Variants in SYT14 observed in about 807,000 individuals in gnomAD.
The protein encoded by SYT14 is synaptotagmin-14.
SYT14 carries 32 observed loss-of-function variants against 74.2 expected under a neutral mutation model. That is an observed-to-expected ratio of 0.43 (90% CI 0.33 to 0.58). SYT14 has a LOEUF of 0.58. Among genes scored for constraint, SYT14 ranks in the 20% least tolerant of loss-of-function variants. The probability of loss-of-function intolerance (pLI) is 0.05; values close to 1 mark genes in which losing one functional copy is unlikely to be tolerated. For synonymous variants in SYT14, 298 were observed against 337.7 expected (o/e 0.88, Z 1.29); for missense variants, 791 against 981.8 (o/e 0.81, Z 2.60).
intron 1 of SYT14, among the ~76,000 whole-genome samples, chr1:209,951,510 C>T (rs11119374): frequency 0.46 from 69,333 of 151,872 alleles, 17,107 homozygotes; most frequent in Non-Finnish European, 0.56. Context: ...ATATATTTAC[C>T]ACATTTTCTT....
intron 2 of SYT14, among the ~76,000 whole-genome samples, chr1:210,006,180 T>C (rs2079984873): frequency 6.6e-6 from 1 of 151,996 alleles, no homozygotes; most frequent in South Asian, 2.1e-4. Context: ...AAATGCTCTT[T>C]GTAATGATTG....
At chr1:210,014,782 T>C (rs564494194) in intron 3 of SYT14, among the ~76,000 whole-genome samples, 5 of 152,234 alleles carry the variant, frequency 3.3e-5, no homozygotes, top group African/African-American at 1.2e-4. Flanking sequence ...TTTGATCATT[T>C]GTGCAGAAAG....
At position 209,979,793 on chromosome 1, in the gene SYT14, T is replaced by C. The variant is rs553597149; in HGVS notation, c.-486+27037T>C. On this transcript the variant is annotated intron_variant, in intron 2 of 9. Transcript: ENST00000637265. ...TACAAAGGACATGATCTTTTTTCTT[T>C]TTATGGCTGCATGGTATTCCGTGGT... is the stretch of plus-strand genomic sequence containing the variant. Among the ~76,000 whole-genome samples, 196 of 152,334 alleles carry C rather than the reference T, an allele frequency of 1.3e-3. 2 individuals are homozygous for C. The South Asian group carries it at 0.022, about 17-fold the overall frequency.
intron 1 of SYT14, among the ~76,000 whole-genome samples, chr1:209,942,185 A>T (rs2078741487): frequency 6.6e-6 from 1 of 152,172 alleles, no homozygotes; most frequent in South Asian, 2.1e-4. Flanking sequence ...ATCATAAATT[A>T]TGCCATTGTC....
rs1183885685 is a variant in SYT14, at chr1:209,981,450, C to CTTTTTTTTTTTT, written c.-486+28702_-486+28713dup. ...TTCTTTTTCTTTTTCTTTTTCTTTT[C>CTTTTTTTTTTTT]TTTTTTTTTTTTTTTTTTTGAGGCA... On this transcript the variant is annotated intron_variant, in intron 2 of 9. Transcript: ENST00000637265. Among the ~76,000 whole-genome samples, 685 of 99,004 alleles carry CTTTTTTTTTTTT rather than the reference C, an allele frequency of 6.9e-3. 1 individual carries two copies. Among genetic ancestry groups the CTTTTTTTTTTTT allele is most frequent in the Non-Finnish European group, 9.3e-3 (491 of 52,770 alleles). The allele number at this position is 99,004 out of a possible 152,430, so 65.0% of individuals were successfully genotyped here.
At chr1:209,988,029 C>A (rs2079600947) in intron 2 of SYT14, among the ~76,000 whole-genome samples, 1 of 152,084 alleles carries the variant, frequency 6.6e-6, no homozygotes, top group Non-Finnish European at 1.5e-5. Flanking sequence ...ACCATCACTT[C>A]TTCAAATGTT....
At chr1:209,967,862 CTCT>C (rs1244035218) in intron 2 of SYT14, among the ~76,000 whole-genome samples, 7 of 151,966 alleles carry the variant, frequency 4.6e-5, no homozygotes, top group African/African-American at 1.7e-4. Flanking sequence ...GTTTTATTAG[CTCT>C]TCTTTTTCTG....
intron 5 of SYT14, among the ~76,000 whole-genome samples, chr1:210,024,413 T>C (rs1344253841): frequency 6.6e-6 from 1 of 152,178 alleles, no homozygotes; most frequent in Non-Finnish European, 1.5e-5. Context: ...AGGAACTGAA[T>C]GTGTTTGGAA....
chr1:210,124,286 A>G (rs1037742783), intron 7 of SYT14, among the ~76,000 whole-genome samples: 3 of 152,104 alleles, frequency 2.0e-5, no homozygotes, highest in Admixed American at 1.3e-4. Flanking sequence ...ATATAAAAGG[A>G]AAATAGAGTG....
At chr1:210,084,452 CAT>C (rs751827820) in intron 5 of SYT14, among the ~76,000 whole-genome samples, 59 of 152,292 alleles carry the variant, frequency 3.9e-4, no homozygotes, top group African/African-American at 1.1e-3. Context: ...GATTCTGTCT[CAT>C]GTGTGTATCT....
At chr1:210,031,160 A>G (rs1423317661) in intron 5 of SYT14, among the ~76,000 whole-genome samples, 2 of 149,506 alleles carry the variant, frequency 1.3e-5, no homozygotes, top group African/African-American at 2.5e-5. Context: ...GCAGTTTTCA[A>G]TATAGCTTGC....
chr1:210,146,388 A>AGTCT (rs2083035543), intron 7 of SYT14, among the ~76,000 whole-genome samples: 1 of 152,206 alleles, frequency 6.6e-6, no homozygotes, highest in Non-Finnish European at 1.5e-5. Context: ...ACTGGCCTGA[A>AGTCT]GTCTGGTCAC....
chr1:209,940,527 A>G (rs990047461), intron 1 of SYT14, among the ~76,000 whole-genome samples: 1 of 152,210 alleles, frequency 6.6e-6, no homozygotes, highest in Non-Finnish European at 1.5e-5. Context: ...GTGAATGCTA[A>G]GAGATGGATC....
chr1:210,105,007 G>A (rs1039601949), intron 7 of SYT14, among the ~76,000 whole-genome samples: 4 of 152,034 alleles, frequency 2.6e-5, no homozygotes, highest in Admixed American at 1.3e-4. Context: ...AGCAGCAGGC[G>A]TACCTGTTAA....
intron 1 of SYT14, among the ~76,000 whole-genome samples, chr1:209,952,056 A>G (rs764198294): frequency 4.6e-5 from 7 of 152,092 alleles, no homozygotes; most frequent in East Asian, 1.9e-4. Flanking sequence ...GTTTTTAGCA[A>G]CTCGGGTGCT....
At chr1:209,966,321 T>C (rs2079157819) in intron 2 of SYT14, among the ~76,000 whole-genome samples, 1 of 152,192 alleles carries the variant, frequency 6.6e-6, no homozygotes, top group Non-Finnish European at 1.5e-5. Context: ...TCCAGACCCT[T>C]TGCACATCTG....
intron 5 of SYT14, among the ~76,000 whole-genome samples, chr1:210,023,678 A>G (rs1380479320): frequency 6.6e-6 from 1 of 152,192 alleles, no homozygotes. Flanking sequence ...AAAAAGATAC[A>G]GAGAGTAGGA....
At chr1:210,108,826 T>C (rs2082206336) in intron 7 of SYT14, among the ~76,000 whole-genome samples, 1 of 152,040 alleles carries the variant, frequency 6.6e-6, no homozygotes, top group African/African-American at 2.4e-5. Flanking sequence ...CCCAAGGATA[T>C]CAAGAAAGAG....
chr1:210,041,722 G>A (rs536458992), intron 5 of SYT14, among the ~76,000 whole-genome samples: 96 of 152,212 alleles, frequency 6.3e-4, no homozygotes, highest in African/African-American at 2.3e-3. Flanking sequence ...ACAAGGTGGA[G>A]GAGACAGCAG....
Sources: gnomAD v4.1 joint callset for allele counts (sites outside exome capture counted in the v4.1 genomes callset) on GRCh38, gnomAD v4.1.1 for gene constraint, MANE v1.5 for transcripts, NCBI Gene and HGNC (gene_info 2026-07-23, HGNC 2026-07-21) for gene names.